The following KAZN variants were observed in gnomAD, a reference collection of about 807,000 sequenced individuals.
KAZN encodes kazrin.
A neutral mutation model predicts 87.4 loss-of-function variants in KAZN; 40 were observed. That is an observed-to-expected ratio of 0.46 (90% CI 0.36 to 0.60). The LOEUF is 0.60. Ranked by LOEUF, KAZN falls within the 20% of genes least tolerant of loss-of-function variation. The pLI is 0.00. For missense variants in KAZN, 898 were observed against 1,073.9 expected (o/e 0.84, Z 2.29); for synonymous variants, 466 against 458.3 (o/e 1.02, Z -0.22).
At chr1:13,916,850 T>A (rs941574394) in intron 1 of KAZN, among the ~76,000 whole-genome samples, 18 of 151,558 alleles carry the variant, frequency 1.2e-4, no homozygotes, top group Non-Finnish European at 1.0e-4. Context: ...TGGGGCCTCA[T>A]GGTTGAGGTG....
At chr1:14,901,753 G>A (rs1053571911) in intron 1 of KAZN, among the ~76,000 whole-genome samples, 13 of 152,204 alleles carry the variant, frequency 8.5e-5, no homozygotes, top group Middle Eastern at 3.2e-3. Flanking sequence ...ACAGCCTGGC[G>A]TCCAAGGTCA....
chr1:15,079,621 G>A (rs913900094), intron 8 of KAZN, among the ~76,000 whole-genome samples: 2 of 152,168 alleles, frequency 1.3e-5, no homozygotes, highest in Admixed American at 6.5e-5. Flanking sequence ...GGTGCGTGGA[G>A]AAGGATGGTC....
At chr1:14,049,988 G>A (rs1176142388) in intron 1 of KAZN, among the ~76,000 whole-genome samples, 3 of 152,224 alleles carry the variant, frequency 2.0e-5, no homozygotes, top group Non-Finnish European at 4.4e-5. Context: ...AGTTAGCTAA[G>A]CAGAGGGAAA....
intron 2 of KAZN, among the ~76,000 whole-genome samples, chr1:14,476,817 T>C (rs1668750882): frequency 6.6e-6 from 1 of 152,124 alleles, no homozygotes; most frequent in Non-Finnish European, 1.5e-5. Context: ...CCTGTCTACT[T>C]CCTTTCTTCC....
intron 2 of KAZN, among the ~76,000 whole-genome samples, chr1:14,591,437 ACAC>A (rs1676197601): frequency 6.6e-6 from 1 of 151,976 alleles, no homozygotes; most frequent in African/African-American, 2.4e-5. Flanking sequence ...ACACACACAC[ACAC>A]ACACACACAC....
chr1:14,146,536 CAAA>C (rs55928646), intron 1 of KAZN, among the ~76,000 whole-genome samples: 1 of 63,506 alleles, frequency 1.6e-5, no homozygotes, highest in African/African-American at 6.6e-5. Flanking sequence ...AACTCCATCT[CAAA>C]AAAAAAAAAA....
intron 1 of KAZN, among the ~76,000 whole-genome samples, chr1:14,075,095 G>A (rs1643400957): frequency 6.6e-6 from 1 of 152,170 alleles, no homozygotes; most frequent in African/African-American, 2.4e-5. Context: ...TGCCAGGAAT[G>A]AAATATTTGG....
intron 2 of KAZN, among the ~76,000 whole-genome samples, chr1:14,311,824 G>A (rs185639243): frequency 6.6e-6 from 1 of 152,238 alleles, no homozygotes; most frequent in Non-Finnish European, 1.5e-5. Context: ...AAAAAGTAGT[G>A]CAAATGTATG....
At chr1:14,845,389 ATGGT>A (rs951089911) in intron 1 of KAZN, among the ~76,000 whole-genome samples, 2 of 147,280 alleles carry the variant, frequency 1.4e-5, no homozygotes, top group Non-Finnish European at 3.0e-5. Context: ...GGATGGATGG[ATGGT>A]TGGATGGATA....
At chr1:14,729,675 T>C (rs190767382) in intron 1 of KAZN, among the ~76,000 whole-genome samples, 33 of 152,246 alleles carry the variant, frequency 2.2e-4, no homozygotes, top group African/African-American at 7.5e-4. Flanking sequence ...GTATTTTCCT[T>C]TGTAGCAGTC....
chr1:14,828,195 T>C (rs1224026513), intron 1 of KAZN, among the ~76,000 whole-genome samples: 2 of 152,360 alleles, frequency 1.3e-5, no homozygotes, highest in East Asian at 3.9e-4. Flanking sequence ...TTCTGAATTG[T>C]GATCATTGTG....
At chr1:13,983,259 G>A (rs925641922) in intron 1 of KAZN, among the ~76,000 whole-genome samples, 2 of 152,244 alleles carry the variant, frequency 1.3e-5, no homozygotes, top group Non-Finnish European at 2.9e-5. Flanking sequence ...GCCCACGGAG[G>A]GGTTGGGAGG....
chr1:14,275,451 TG>T (rs1652275709), intron 2 of KAZN, among the ~76,000 whole-genome samples: 1 of 100,874 alleles, frequency 9.9e-6, no homozygotes, highest in Non-Finnish European at 2.7e-5. Context: ...ATACTGTGTG[TG>T]TGTGTGTGTG....
At chr1:15,050,140 T>C (rs187182965) in intron 4 of KAZN, among the ~76,000 whole-genome samples, 3 of 112,528 alleles carry the variant, frequency 2.7e-5, no homozygotes, top group African/African-American at 1.2e-4. Flanking sequence ...TCCATCTCAA[T>C]AGAATAATAG....
At chr1:14,478,243 AGG>A (rs1380296246) in intron 2 of KAZN, among the ~76,000 whole-genome samples, 4 of 144,234 alleles carry the variant, frequency 2.8e-5, no homozygotes, top group African/African-American at 5.4e-5. Flanking sequence ...GAAGGAAGGA[AGG>A]AAAAGAAGGA....
intron 1 of KAZN, among the ~76,000 whole-genome samples, chr1:14,681,639 A>T (rs867378855): frequency 4.0e-4 from 4 of 10,112 alleles, no homozygotes; most frequent in Non-Finnish European, 6.2e-4. Context: ...ATATATATAT[A>T]TATATATATA....
chr1:14,076,221 C>A (rs184940242), intron 1 of KAZN, among the ~76,000 whole-genome samples: 1 of 151,866 alleles, frequency 6.6e-6, no homozygotes, highest in Middle Eastern at 3.4e-3. Context: ...GTGGAGGTTG[C>A]GGTGAGCCGA....
rs1331005275 is a variant in KAZN, at chr1:15,048,596, C to G, written c.726+4437C>G. On this transcript the variant is annotated intron_variant, in intron 4 of 14. Coordinates refer to ENST00000376030, the MANE Select transcript of KAZN (RefSeq NM_201628.3). ...TGATCCTTGGTCGTTGGTCCTGGGT[C>G]GTCGGTCCTGGGTCGCTGGTCCTGG... 3.3e-3 allele frequency among the ~76,000 whole-genome samples: 498 copies of G among 150,070 alleles called. 2 individuals carry two copies. The highest frequency in any genetic ancestry group is 0.025 in the East Asian group (127 of 5,012).
intron 2 of KAZN, among the ~76,000 whole-genome samples, chr1:14,463,279 C>T (rs1667949057): frequency 1.3e-5 from 2 of 152,116 alleles, no homozygotes; most frequent in South Asian, 4.1e-4. Flanking sequence ...ATGAGGACAG[C>T]TAGGGATTGG....
Sources: allele counts gnomAD v4.1 joint callset (sites outside exome capture counted in the v4.1 genomes callset), GRCh38; gene constraint gnomAD v4.1.1; transcripts MANE v1.5; gene names NCBI Gene and HGNC (gene_info 2026-07-23, HGNC 2026-07-21).